The following KLHL13 variants were observed in gnomAD, a reference collection of about 807,000 sequenced individuals.
KLHL13 encodes the protein kelch-like protein 13.
A neutral mutation model predicts 37.1 loss-of-function variants in KLHL13; 10 were observed. That is an observed-to-expected ratio of 0.27 (90% CI 0.17 to 0.46). KLHL13 has a LOEUF of 0.46. Ranked by LOEUF, KLHL13 falls within the 20% of genes least tolerant of loss-of-function variation. The pLI, the probability that KLHL13 is intolerant of heterozygous loss-of-function variation, is 1.00. For missense variants in KLHL13, 360 were observed against 509.3 expected, an observed-to-expected ratio of 0.71 and a Z score of 2.82; for synonymous variants, 163 against 181.2, an observed-to-expected ratio of 0.90 and a Z score of 0.81.
intron 1 of KLHL13, among the ~76,000 whole-genome samples, chrX:118,105,892 C>CTTTTTTTT (rs754130371): frequency 3.0e-5 from 2 of 67,073 alleles, no homozygotes; most frequent in Admixed American, 1.6e-4. Context: ...GTCTAAACAG[C>CTTTTTTTT]TTTTTTTTTT....
intron 2 of KLHL13, among the ~76,000 whole-genome samples, chrX:117,921,285 T>C (rs187527949): frequency 1.4e-3 from 153 of 112,286 alleles, no homozygotes; most frequent in African/African-American, 4.6e-3. Context: ...TTAATTTTTG[T>C]GGGTACAGAG....
At chrX:117,988,465 A>AT (rs1228797271) in intron 1 of KLHL13, among the ~76,000 whole-genome samples, 1 of 111,897 alleles carries the variant, frequency 8.9e-6, no homozygotes, top group Non-Finnish European at 1.9e-5. Context: ...ATAGTGATAG[A>AT]TTTTGAGAAC....
At chrX:117,972,806 C>T in exon 1 of KLHL13, 1 of 1,211,218 alleles carries the variant, frequency 8.3e-7, no homozygotes, top group South Asian at 1.8e-5. Flanking sequence ...AGCAGGAGAG[C>T]TCGTTTTCCA....
chrX:117,961,220 T>C (rs1237528258), intron 1 of KLHL13, among the ~76,000 whole-genome samples: 2 of 112,105 alleles, frequency 1.8e-5, no homozygotes, highest in African/African-American at 6.5e-5. Context: ...ATTCCACTTT[T>C]TAATAAGATT....
intron 1 of KLHL13, among the ~76,000 whole-genome samples, chrX:118,096,078 C>T (rs1166435035): frequency 1.8e-5 from 2 of 111,911 alleles, no homozygotes; most frequent in Admixed American, 9.5e-5. Context: ...TAACAAAGAT[C>T]AGAGCAGAAC....
At chrX:118,068,442 C>T (rs750398532) in intron 1 of KLHL13, among the ~76,000 whole-genome samples, 3 of 111,420 alleles carry the variant, frequency 2.7e-5, no homozygotes, top group African/African-American at 6.5e-5. Flanking sequence ...ACATAAAGAA[C>T]GGAAGGAAAT....
chrX:118,104,031 C>T (rs1331856034), intron 1 of KLHL13, among the ~76,000 whole-genome samples: 2 of 92,368 alleles, frequency 2.2e-5, no homozygotes, highest in African/African-American at 4.4e-5. Flanking sequence ...GGCAACATAC[C>T]GAGGCCTCAT....
In KLHL13 at chrX:118,061,409, A is replaced by T. The variant is rs2054740163; in HGVS notation, c.-56+55099T>A. 4.5e-5 allele frequency among the ~76,000 whole-genome samples: 5 copies of T among 111,235 alleles called. No individual in the cohort carries two copies. The South Asian group carries it at 1.9e-3, about 43-fold the overall frequency. On this transcript the variant is annotated intron_variant, in intron 1 of 6. Coordinates refer to the KLHL13 transcript ENST00000371882. ...GAAGAGGGAAATACTCTGCCAGGTG[A>T]AACTTAACACAATAAACACCAGGAA...
At chrX:118,094,331 G>C (rs1252498716) in intron 1 of KLHL13, among the ~76,000 whole-genome samples, 1 of 111,183 alleles carries the variant, frequency 9.0e-6, no homozygotes, top group Non-Finnish European at 1.9e-5. Context: ...AAGAAGAGAA[G>C]TTTAGAGAAA....
chrX:118,015,202 T>C (rs1323810727), intron 1 of KLHL13, among the ~76,000 whole-genome samples: 5 of 111,640 alleles, frequency 4.5e-5, no homozygotes, highest in African/African-American at 9.7e-5. Context: ...TTAACCACAC[T>C]ACTATAACTA....
chrX:117,974,516 A>G (rs1003728941), upstream of KLHL13, among the ~76,000 whole-genome samples: 8 of 112,134 alleles, frequency 7.1e-5, no homozygotes, highest in East Asian at 2.2e-3. Context: ...TTTCATCTGT[A>G]TTTTAGAAAC....
intron 1 of KLHL13, among the ~76,000 whole-genome samples, chrX:118,015,163 T>C (rs1355243304): frequency 9.0e-6 from 1 of 111,519 alleles, no homozygotes; most frequent in African/African-American, 3.3e-5. Context: ...GAATGACACC[T>C]ATATTTGGCA....
chrX:118,065,875 A>G lies in KLHL13; in HGVS notation c.-56+50633T>C, dbSNP rs73597441. Among the ~76,000 whole-genome samples, 240 of 112,175 alleles carry G rather than the reference A, an allele frequency of 2.1e-3. 1 individual carries two copies. Among genetic ancestry groups the G allele is most frequent in the African/African-American group, 7.6e-3 (235 of 30,990 alleles). On this transcript the variant is annotated intron_variant, in intron 1 of 6. Coordinates refer to the KLHL13 transcript ENST00000371882. ...GCTGGACATCGCTATTTTAATAGATACTAAAATTCTACAGTATCACAATAA... is the reference window on the plus strand; with the variant it reads ...GCTGGACATCGCTATTTTAATAGATGCTAAAATTCTACAGTATCACAATAA...
chrX:117,945,769 G>T lies in KLHL13; in HGVS notation c.99-194C>A, dbSNP rs1933292183. The T allele has an allele frequency of 2.1e-5, 8 of 373,083 alleles. No homozygotes were observed. In the South Asian group the frequency reaches 5.0e-4, roughly 24 times the overall value. 30.7% of individuals were successfully genotyped at this position (373,083 alleles called of 1,213,427 possible). On this transcript the variant is annotated intron_variant, in intron 1 of 6. Coordinates refer to ENST00000262820, the Ensembl canonical transcript of KLHL13. ...TGTATATTTGTAAAATGGTTTCCAA[G>T]TACAGAATATACAGATGATAACTGA...
chrX:118,089,620 G>GAGAAAGAAAGAAAGAAAGAAAGAA (rs3046168), intron 1 of KLHL13, among the ~76,000 whole-genome samples: 94 of 71,914 alleles, frequency 1.3e-3, no homozygotes, highest in East Asian at 4.4e-3. Flanking sequence ...GAGAAAGAAA[G>GAGAAAGAAAGAAAGAAAGAAAGAA]AGAAAGAAAG....
In KLHL13 at chrX:118,034,769, C is replaced by CA. The variant is rs1342630710; in HGVS notation, c.-56+81738dup. Among the ~76,000 whole-genome samples, 144 of 51,466 alleles carry CA rather than the reference C, an allele frequency of 2.8e-3. 1 individual carries two copies. The highest frequency in any genetic ancestry group is 0.015 in the African/African-American group (123 of 8,454). 44.7% of individuals were successfully genotyped at this position (51,466 alleles called of 115,157 possible). ...AGCAGAACTGAAGGAAATAGAGACA[C>CA]AAAAAACCCTTCAAAAAATTAATGA... is the stretch of plus-strand genomic sequence containing the variant. On this transcript the variant is annotated intron_variant, in intron 1 of 6. Transcript: ENST00000371882.
At chrX:118,074,168 T>A (rs937101788) in intron 1 of KLHL13, among the ~76,000 whole-genome samples, 1 of 112,036 alleles carries the variant, frequency 8.9e-6, no homozygotes, top group Non-Finnish European at 1.9e-5. Context: ...AGGAGTCTCC[T>A]TGGTGTGAAA....
intron 1 of KLHL13, among the ~76,000 whole-genome samples, chrX:118,089,620 G>GAAAGAAAGA (rs773944967): frequency 3.2e-4 from 23 of 71,918 alleles, no homozygotes; most frequent in African/African-American, 1.2e-3. Flanking sequence ...GAGAAAGAAA[G>GAAAGAAAGA]AGAAAGAAAG....
chrX:118,021,646 G>A (rs1200230970), intron 1 of KLHL13, among the ~76,000 whole-genome samples: 12 of 110,086 alleles, frequency 1.1e-4, no homozygotes, highest in African/African-American at 2.7e-4. Context: ...TCATTGATGG[G>A]CATTTGGGTT....
Sources: allele counts gnomAD v4.1 joint callset (sites outside exome capture counted in the v4.1 genomes callset), GRCh38; gene constraint gnomAD v4.1.1; transcripts MANE v1.5; gene names NCBI Gene and HGNC (gene_info 2026-07-23, HGNC 2026-07-21).